STN1: variants seen among roughly 807,000 people sequenced by gnomAD.
STN1 encodes STN1 subunit of CST complex.
Under a neutral mutation model 45.5 loss-of-function variants are expected in STN1, and 29 were observed. That is an observed-to-expected ratio of 0.64 (90% confidence interval 0.47 to 0.87). The LOEUF is 0.87. Among genes scored for constraint, STN1 ranks in the 40% least tolerant of loss-of-function variants. The probability of loss-of-function intolerance (pLI) is 0.00; values close to 1 mark genes in which losing one functional copy is unlikely to be tolerated. For missense variants in STN1, 376 were observed against 441.4 expected (o/e 0.85, Z 1.33); for synonymous variants, 148 against 159.0 (o/e 0.93, Z 0.52).
At position 103,882,335 on chromosome 10, in the gene STN1, C is replaced by T. The variant is rs948972937; in HGVS notation, c.*349G>A. On this transcript the variant is annotated 3_prime_UTR_variant, in exon 10 of 10. Coordinates refer to ENST00000224950, the MANE Select transcript of STN1 (RefSeq NM_024928.5). ...TGAATGTTCACTACCCTGTGGTGTC[C>T]CTTTGCCATGGAAGAGACTCCAACC... Among the ~76,000 whole-genome samples, 2 of 152,222 alleles carry T rather than the reference C, an allele frequency of 1.3e-5. No homozygotes were observed. Among genetic ancestry groups the T allele is most frequent in the African/African-American group, 4.8e-5 (2 of 41,460 alleles).
chr10:103,890,029 A>G (rs1843129461), intron 8 of STN1, among the ~76,000 whole-genome samples: 1 of 152,132 alleles, frequency 6.6e-6, no homozygotes, highest in African/African-American at 2.4e-5. Flanking sequence ...TAACCAGCTC[A>G]GATTAAGAGG....
At chr10:103,909,354 C>CAAAA in intron 3 of STN1, among the ~76,000 whole-genome samples, 1 of 61,274 alleles carries the variant, frequency 1.6e-5, no homozygotes, top group African/African-American at 6.5e-5. Flanking sequence ...TTTTCAGAAT[C>CAAAA]AAAAAAAAAA....
chr10:103,904,643 C>CA (rs1219474312), intron 4 of STN1, among the ~76,000 whole-genome samples: 1 of 152,104 alleles, frequency 6.6e-6, no homozygotes, highest in Non-Finnish European at 1.5e-5. Flanking sequence ...TGTTTGAACA[C>CA]AGAGATTTTA....
intron 9 of STN1, among the ~76,000 whole-genome samples, chr10:103,883,569 A>C (rs1261120836): frequency 6.6e-6 from 1 of 152,088 alleles, no homozygotes; most frequent in Non-Finnish European, 1.5e-5. Context: ...ACGACCATGA[A>C]ACGGAAATCA....
chr10:103,900,099 TG>T lies in STN1; in HGVS notation c.419del (p.Thr140AsnfsTer48). 6 of 1,614,216 alleles carry T rather than the reference TG, an allele frequency of 3.7e-6. No homozygotes were observed. The Middle Eastern group carries it at 9.9e-4, about 266-fold the overall frequency. On this transcript the variant is annotated frameshift_variant, in exon 5 of 10. Transcript: ENST00000224950. LOFTEE classifies it high-confidence loss of function. ...DTIRVRGSIR[T>X]YREEREIHAT... ...CATGAATCTCTCGCTCTTCTCTGTATGTGCGGATACTGCCTCTGACTCGGAT... is the reference window on the plus strand; with the variant it reads ...CATGAATCTCTCGCTCTTCTCTGTATTGCGGATACTGCCTCTGACTCGGAT...
At chr10:103,917,139 C>G (rs1048061016) in intron 2 of STN1, among the ~76,000 whole-genome samples, 9 of 151,746 alleles carry the variant, frequency 5.9e-5, no homozygotes, top group Admixed American at 2.6e-4. Context: ...GAATATCTGG[C>G]CCAGCGATCT....
chr10:103,890,458 T>C (rs1386106554), intron 8 of STN1, among the ~76,000 whole-genome samples: 1 of 152,204 alleles, frequency 6.6e-6, no homozygotes, highest in Non-Finnish European at 1.5e-5. Flanking sequence ...TATTTGTGCT[T>C]GATCACAATG....
chr10:103,888,406 T>C (rs979520730), intron 9 of STN1, among the ~76,000 whole-genome samples: 2 of 133,206 alleles, frequency 1.5e-5, no homozygotes, highest in Non-Finnish European at 1.7e-5. Flanking sequence ...GATTTAAAGA[T>C]AGACTAATGC....
Position 103,892,215 on chromosome 10 carries a change from T to C in STN1, c.791A>G (p.His264Arg), listed in dbSNP as rs367699574. ...FKKDTTSKAI[H>R]SIFKNAIQLL... ...TTGTATAGCATTCTTAAATATACTATGAATTGCCTTGGAAGTGGTGTCCTT... is the reference window on the plus strand; with the variant it reads ...TTGTATAGCATTCTTAAATATACTACGAATTGCCTTGGAAGTGGTGTCCTT... Residue 264 changes from histidine (H) to arginine (R), a missense_variant, in exon 8 of 10, where the codon CAT becomes CGT. Transcript: ENST00000224950. The C allele has an allele frequency of 4.4e-6, 7 of 1,604,580 alleles. No homozygotes were observed. Among genetic ancestry groups the C allele is most frequent in the African/African-American group, 4.0e-5 (3 of 74,414 alleles).
At chr10:103,909,154 C>T (rs1005688329) in intron 3 of STN1, among the ~76,000 whole-genome samples, 2 of 151,216 alleles carry the variant, frequency 1.3e-5, no homozygotes, top group African/African-American at 4.9e-5. Flanking sequence ...CTGAAAGACG[C>T]TATTATTTCG....
intron 3 of STN1, among the ~76,000 whole-genome samples, chr10:103,908,105 G>C (rs1843254893): frequency 6.7e-6 from 1 of 149,772 alleles, no homozygotes; most frequent in African/African-American, 2.5e-5. Flanking sequence ...CTCCAGCGTG[G>C]GCCACAGAGC....
intron 7 of STN1, 60 bp downstream of exon 7, chr10:103,897,488 C>G: frequency 1.4e-6 from 2 of 1,425,754 alleles, no homozygotes; most frequent in Non-Finnish European, 2.0e-6. Context: ...TTCACCCACA[C>G]CTGCAGTTGC....
rs1319656129 is a variant in STN1, at chr10:103,917,499, C to T, written c.96G>A (p.Arg32=). 6.2e-7 allele frequency: 1 copy of T among 1,614,004 alleles called. No individual in the cohort carries two copies. Residue 32 remains arginine, a synonymous_variant, in exon 2 of 10, where the codon AGG becomes AGA. Transcript: ENST00000224950. ...GGGACTCCTTCATGTCCAGGATATC[C>T]CTGATGTAGAGTTTTGCAAAGGCTA... ...VFLAFAKLYI[R]DILDMKESRQ...
chr10:103,911,724 C>G (rs537483449), intron 2 of STN1, among the ~76,000 whole-genome samples: 1 of 152,216 alleles, frequency 6.6e-6, no homozygotes, highest in South Asian at 2.1e-4. Flanking sequence ...ATGATCACCT[C>G]AGGCATTTGG....
intron 3 of STN1, among the ~76,000 whole-genome samples, chr10:103,908,029 T>G (rs989157410): frequency 6.6e-6 from 1 of 151,240 alleles, no homozygotes; most frequent in African/African-American, 2.4e-5. Context: ...CTCAGAAGGC[T>G]GAGGCAGGAG....
At chr10:103,891,050 A>G (rs1589497263) in intron 8 of STN1, among the ~76,000 whole-genome samples, 1 of 152,232 alleles carries the variant, frequency 6.6e-6, no homozygotes, top group South Asian at 2.1e-4. Flanking sequence ...CAACTGGTAC[A>G]GCCTTCAGGC....
chr10:103,885,982 A>G (rs1843100633), intron 9 of STN1, among the ~76,000 whole-genome samples: 1 of 152,228 alleles, frequency 6.6e-6, no homozygotes, highest in African/African-American at 2.4e-5. Context: ...CTAATGTTCT[A>G]GAGACCCAAA....
At position 103,892,256 on chromosome 10, in the gene STN1, T is replaced by A. The variant is rs754641673; in HGVS notation, c.754-4A>T. ...TGGTGTCCTTCTTAAAATTCACCTG[T>A]AAAGAGAGGAAAAAGAAAAAAGAAA... On this transcript the variant is annotated splice_polypyrimidine_tract_variant and splice_region_variant and intron_variant, in intron 7 of 9. Transcript: ENST00000224950. The A allele has an allele frequency of 1.1e-5, 18 of 1,586,190 alleles. No homozygotes were observed. The highest frequency in any genetic ancestry group is 2.7e-5 in the African/African-American group (2 of 72,916).
chr10:103,903,644 G>A (rs1423720954), intron 4 of STN1, among the ~76,000 whole-genome samples: 1 of 152,148 alleles, frequency 6.6e-6, no homozygotes, highest in Non-Finnish European at 1.5e-5. Flanking sequence ...TCTTGGAGGG[G>A]AAACCCGGAC....
Sources: allele counts gnomAD v4.1 joint callset (sites outside exome capture counted in the v4.1 genomes callset), GRCh38; gene constraint gnomAD v4.1.1; transcripts MANE v1.5; gene names NCBI Gene and HGNC (gene_info 2026-07-23, HGNC 2026-07-21).